MEIS2: variants seen among roughly 807,000 people sequenced by gnomAD.
MEIS2 encodes Meis homeobox 2.
A neutral mutation model predicts 58.6 loss-of-function variants in MEIS2; 9 were observed. The observed-to-expected ratio is 0.15, with a 90% CI of 0.09 to 0.27. The LOEUF (loss-of-function observed/expected upper bound fraction) is 0.27. Among genes scored for constraint, MEIS2 ranks in the 10% least tolerant of loss-of-function variants. The probability of loss-of-function intolerance (pLI) is 1.00; values close to 1 mark genes in which losing one functional copy is unlikely to be tolerated. For synonymous variants in MEIS2, 221 were observed against 228.4 expected, an observed-to-expected ratio of 0.97 and a Z score of 0.29; for missense variants, 427 against 635.0, an observed-to-expected ratio of 0.67 and a Z score of 3.52.
intron 4 of MEIS2, among the ~76,000 whole-genome samples, chr15:37,094,812 AAT>A (rs1893995515): frequency 6.6e-6 from 1 of 152,038 alleles, no homozygotes; most frequent in Non-Finnish European, 1.5e-5. Context: ...CATAAGCATT[AAT>A]ATCTTTCCCC....
At chr15:36,925,127 AAAAAAC>A (rs900251183) in intron 9 of MEIS2, among the ~76,000 whole-genome samples, 3 of 152,206 alleles carry the variant, frequency 2.0e-5, no homozygotes, top group African/African-American at 4.8e-5. Flanking sequence ...CCCTAGCTCA[AAAAAAC>A]AAAAACAAAA....
intron 9 of MEIS2, chr15:36,898,638 A>G (rs1692972609): frequency 6.6e-6 from 1 of 151,996 alleles, no homozygotes. Flanking sequence ...CAGTTCCCCC[A>G]AACACTCCCT....
chr15:36,926,421 AC>A (rs1330744890), intron 9 of MEIS2, among the ~76,000 whole-genome samples: 1 of 152,230 alleles, frequency 6.6e-6, no homozygotes, highest in Non-Finnish European at 1.5e-5. Context: ...AACAACCCAC[AC>A]GACTCTGGTG....
At chr15:36,919,890 C>A (rs2057427585) in intron 9 of MEIS2, among the ~76,000 whole-genome samples, 1 of 152,168 alleles carries the variant, frequency 6.6e-6, no homozygotes, top group African/African-American at 2.4e-5. Context: ...CATGGATGAG[C>A]ATAAACACAA....
intron 8 of MEIS2, among the ~76,000 whole-genome samples, chr15:36,998,702 T>C (rs1437753220): frequency 1.3e-5 from 2 of 152,198 alleles, no homozygotes; most frequent in African/African-American, 4.8e-5. Flanking sequence ...CATTCCAAAC[T>C]ATTTTCGGCC....
At chr15:36,965,496 C>T (rs1014333709) in intron 8 of MEIS2, among the ~76,000 whole-genome samples, 12 of 152,212 alleles carry the variant, frequency 7.9e-5, no homozygotes, top group Non-Finnish European at 1.5e-4. Context: ...TATATCTGCT[C>T]ATGGACAACA....
intron 8 of MEIS2, among the ~76,000 whole-genome samples, chr15:36,995,945 C>CAGAAG (rs2060478327): frequency 1.5e-5 from 2 of 131,402 alleles, no homozygotes; most frequent in Non-Finnish European, 3.1e-5. Context: ...TAACCATTTC[C>CAGAAG]TCTAGTCTGA....
intron 7 of MEIS2, among the ~76,000 whole-genome samples, chr15:37,076,876 C>T (rs1245565779): frequency 6.6e-6 from 1 of 151,980 alleles, no homozygotes; most frequent in Non-Finnish European, 1.5e-5. Context: ...TATAAATATA[C>T]ATATATATTT....
intron 9 of MEIS2, among the ~76,000 whole-genome samples, chr15:36,936,158 CA>C (rs2141346834): frequency 6.6e-6 from 1 of 151,550 alleles, no homozygotes; most frequent in Non-Finnish European, 1.5e-5. Context: ...AAATCGACCA[CA>C]GTTTCTGCCT....
intron 8 of MEIS2, among the ~76,000 whole-genome samples, chr15:36,968,632 T>A (rs2059432169): frequency 6.6e-6 from 1 of 152,234 alleles, no homozygotes; most frequent in Admixed American, 6.5e-5. Context: ...AAATCCTTGA[T>A]ATGACTGGAT....
chr15:36,952,321 C>A (rs1234954502), intron 8 of MEIS2, among the ~76,000 whole-genome samples: 1 of 151,948 alleles, frequency 6.6e-6, no homozygotes, highest in African/African-American at 2.4e-5. Flanking sequence ...GGAGTTGCAC[C>A]CTTTGACTTT....
At chr15:37,059,400 A>G (rs1428900902) in intron 7 of MEIS2, among the ~76,000 whole-genome samples, 1 of 152,208 alleles carries the variant, frequency 6.6e-6, no homozygotes, top group East Asian at 1.9e-4. Context: ...GACATGTTAC[A>G]TATGGGAGAT....
chr15:37,058,808 G>A (rs1050672743), intron 7 of MEIS2, among the ~76,000 whole-genome samples: 3 of 152,196 alleles, frequency 2.0e-5, no homozygotes, highest in Non-Finnish European at 4.4e-5. Flanking sequence ...AAAAATAACT[G>A]CCAGAGGACA....
chr15:36,987,035 A>G (rs1446128623), intron 8 of MEIS2, among the ~76,000 whole-genome samples: 3 of 152,144 alleles, frequency 2.0e-5, no homozygotes, highest in Non-Finnish European at 4.4e-5. Context: ...TTAGATAAGA[A>G]AATAAAACTT....
At chr15:36,896,970 T>G (rs1291017361) in intron 9 of MEIS2, 4 of 321,280 alleles carry the variant, frequency 1.2e-5, no homozygotes, top group African/African-American at 2.1e-5. Context: ...TTCTGCTTCT[T>G]GCACAAGTAG....
At chr15:36,978,101 T>C (rs1209062117) in intron 8 of MEIS2, among the ~76,000 whole-genome samples, 2 of 152,228 alleles carry the variant, frequency 1.3e-5, no homozygotes, top group African/African-American at 2.4e-5. Flanking sequence ...CTGCATTTGG[T>C]AAGATGATAC....
At chr15:37,074,570 T>C (rs1882995157) in intron 7 of MEIS2, among the ~76,000 whole-genome samples, 1 of 151,878 alleles carries the variant, frequency 6.6e-6, no homozygotes. Context: ...TCCAAAGAGA[T>C]TAAAGGACAC....
intron 9 of MEIS2, among the ~76,000 whole-genome samples, chr15:36,937,242 A>G (rs1452952253): frequency 6.6e-6 from 1 of 152,220 alleles, no homozygotes. Flanking sequence ...TTAACAAAAT[A>G]GACAGTCCTC....
At chr15:37,090,050 T>C (rs1454906968) in intron 6 of MEIS2, among the ~76,000 whole-genome samples, 1 of 152,164 alleles carries the variant, frequency 6.6e-6, no homozygotes, top group African/African-American at 2.4e-5. Context: ...TTTGAATGTC[T>C]AGGAAACTAA....
Sources: gnomAD v4.1 joint callset for allele counts (sites outside exome capture counted in the v4.1 genomes callset) on GRCh38, gnomAD v4.1.1 for gene constraint, MANE v1.5 for transcripts, NCBI Gene and HGNC (gene_info 2026-07-23, HGNC 2026-07-21) for gene names.